Variants in RASGEF1B observed in about 807,000 individuals in gnomAD.
RASGEF1B encodes RasGEF domain family member 1B.
A neutral mutation model predicts 65.7 loss-of-function variants in RASGEF1B; 30 were observed. The observed-to-expected ratio is 0.46, with a 90% CI of 0.34 to 0.62. The LOEUF is 0.62. Ranked by LOEUF, RASGEF1B falls within the 20% of genes least tolerant of loss-of-function variation. The pLI is 0.01. For missense variants in RASGEF1B, 495 were observed against 580.1 expected, an observed-to-expected ratio of 0.85 and a Z score of 1.51; for synonymous variants, 175 against 194.8, an observed-to-expected ratio of 0.90 and a Z score of 0.85.
At chr4:81,432,505 C>G (rs762212714) in intron 12 of RASGEF1B, 134 bp from the exon 13 acceptor site, 13 of 557,588 alleles carry the variant, frequency 2.3e-5, no homozygotes, top group Non-Finnish European at 4.1e-5. Context: ...GACCAAGAAG[C>G]TTCACTGTTT....
intron 11 of RASGEF1B, among the ~76,000 whole-genome samples, 181 bp from the exon 12 acceptor site, chr4:81,434,144 G>T (rs1450442082): frequency 6.6e-5 from 10 of 151,874 alleles, no homozygotes; most frequent in African/African-American, 1.9e-4. Flanking sequence ...CAAACTCCTG[G>T]GCTCGAGCAA....
At position 81,432,294 on chromosome 4, in the gene RASGEF1B, C is replaced by A; in HGVS notation, c.1397+5G>T. 1.9e-6 allele frequency: 3 copies of A among 1,592,708 alleles called. No homozygotes were observed. The highest frequency in any genetic ancestry group is 1.7e-6 in the Non-Finnish European group (2 of 1,161,730). Reference sequence around the variant, plus strand: ...TTGTGCAGCAATGAGAAGAATGAGACCCACCTTAAAGACTTCCATCTGTCT... The same window carrying A: ...TTGTGCAGCAATGAGAAGAATGAGAACCACCTTAAAGACTTCCATCTGTCT... On this transcript the variant is annotated splice_donor_5th_base_variant and intron_variant, in intron 13 of 13. Transcript: ENST00000264400.
intron 2 of RASGEF1B, among the ~76,000 whole-genome samples, chr4:81,458,339 C>A (rs1167969156): frequency 6.6e-6 from 1 of 152,136 alleles, no homozygotes; most frequent in African/African-American, 2.4e-5. Flanking sequence ...TCCTTAGGCG[C>A]CTTTACTAGC....
chr4:81,467,750 G>A (rs1214560968), intron 1 of RASGEF1B, among the ~76,000 whole-genome samples: 5 of 152,170 alleles, frequency 3.3e-5, no homozygotes, highest in African/African-American at 9.6e-5. Flanking sequence ...AGGTGAAGAC[G>A]TACTGGCTAA....
At chr4:81,433,267 A>T (rs2109965962) in intron 12 of RASGEF1B, among the ~76,000 whole-genome samples, 1 of 151,996 alleles carries the variant, frequency 6.6e-6, no homozygotes, top group Non-Finnish European at 1.5e-5. Context: ...AATACTATCA[A>T]TCTACTATGA....
chr4:81,447,451 A>G (rs1265342774), intron 6 of RASGEF1B, 53 bp downstream of exon 6: 1 of 1,297,026 alleles, frequency 7.7e-7, no homozygotes, highest in Admixed American at 1.7e-5. Context: ...ACTATCATAG[A>G]CTGATAAATC....
chr4:81,451,881 T>C (rs1158147997), intron 4 of RASGEF1B: 1 of 152,224 alleles, frequency 6.6e-6, no homozygotes, highest in Non-Finnish European at 1.5e-5. Flanking sequence ...GAAAATACTT[T>C]AGTAAGAAAT....
chr4:81,435,166 C>T (rs570312513), intron 10 of RASGEF1B, among the ~76,000 whole-genome samples: 1 of 152,016 alleles, frequency 6.6e-6, no homozygotes, highest in Non-Finnish European at 1.5e-5. Flanking sequence ...AATCCCAGCA[C>T]TTTGGGAGGC....
At chr4:81,471,705 C>A (rs1326159492) in intron 1 of RASGEF1B, 65 bp downstream of exon 1, 2 of 152,618 alleles carry the variant, frequency 1.3e-5, no homozygotes, top group South Asian at 2.1e-4. Context: ...CAGTAGGGTC[C>A]GGAGTTCCCG....
intron 4 of RASGEF1B, among the ~76,000 whole-genome samples, chr4:81,449,427 A>C (rs2109983044): frequency 6.6e-6 from 1 of 152,370 alleles, no homozygotes. Context: ...AAATGACTTC[A>C]TAATCCATCA....
chr4:81,443,758 T>C (rs1721926951), intron 8 of RASGEF1B, among the ~76,000 whole-genome samples: 1 of 152,240 alleles, frequency 6.6e-6, no homozygotes, highest in Admixed American at 6.5e-5. Flanking sequence ...TCTGTGGACA[T>C]GTGTTGGCAT....
intron 4 of RASGEF1B, 27 bp from the exon 5 acceptor site, chr4:81,448,311 C>T (rs774394569): frequency 1.3e-5 from 20 of 1,580,014 alleles, no homozygotes; most frequent in South Asian, 8.9e-5. Context: ...GAATTACATC[C>T]GTACTCTGCG....
chr4:81,448,802 T>G (rs893254166), intron 4 of RASGEF1B, among the ~76,000 whole-genome samples: 7 of 152,026 alleles, frequency 4.6e-5, no homozygotes, highest in Non-Finnish European at 8.8e-5. Flanking sequence ...TCGAACCACC[T>G]TCTTTTGTTT....
chr4:81,434,074 G>A, intron 11 of RASGEF1B, 111 bp from the exon 12 acceptor site: 2 of 950,288 alleles, frequency 2.1e-6, no homozygotes, highest in South Asian at 1.5e-5. Flanking sequence ...TAAGGAGACA[G>A]GGTTTCACTC....
chr4:81,466,770 A>AGAAAGAAAGAAAGAAAGAAGGAAAG lies in RASGEF1B; in HGVS notation c.-7+4999_-7+5000insCTTTCCTTCTTTCTTTCTTTCTTTC. On this transcript the variant is annotated intron_variant, in intron 1 of 13. Coordinates refer to ENST00000264400, the MANE Select transcript of RASGEF1B (RefSeq NM_152545.3). ...CAAGCCTCCATGTCAAAAAAAAAAA[A>AGAAAGAAAGAAAGAAAGAAGGAAAG]AAAGAAAGAAAGAAAGAAAGAAAGA... Among the ~76,000 whole-genome samples the AGAAAGAAAGAAAGAAAGAAGGAAAG allele has an allele frequency of 5.5e-5, 2 of 36,096 alleles. 1 individual carries two copies. Among genetic ancestry groups the AGAAAGAAAGAAAGAAAGAAGGAAAG allele is most frequent in the African/African-American group, 1.9e-4 (2 of 10,534 alleles). The allele number at this position is 36,096 out of a possible 152,430, so 23.7% of individuals were successfully genotyped here. A position where few individuals can be genotyped will look rare whatever the true frequency, so the allele number is the denominator to read the frequency against.
chr4:81,440,337 C>G (rs946876754), intron 10 of RASGEF1B, among the ~76,000 whole-genome samples: 2 of 152,022 alleles, frequency 1.3e-5, no homozygotes, highest in African/African-American at 4.8e-5. Flanking sequence ...CAGACATGAC[C>G]CCTGTACTTT....
In RASGEF1B at chr4:81,471,905, AC is replaced by A. The variant is rs1723046846; in HGVS notation, c.-143del. The stretch of plus-strand genomic sequence containing the variant: ...CTAACCAGTCGGGTTCCTTGTTTAT[AC>A]TGAAACTACGGCAGCCGCCGCCGCG... On this transcript the variant is annotated 5_prime_UTR_variant, in exon 1 of 14. Coordinates refer to ENST00000264400, the MANE Select transcript of RASGEF1B (RefSeq NM_152545.3). 6.5e-6 allele frequency: 1 copy of A among 152,694 alleles called. No homozygotes were observed. Among genetic ancestry groups the A allele is most frequent in the African/African-American group, 2.4e-5 (1 of 41,444 alleles). The allele number at this position is 152,694 out of a possible 1,614,324, so 9.5% of individuals were successfully genotyped here.
intron 1 of RASGEF1B, among the ~76,000 whole-genome samples, chr4:81,466,399 G>C (rs1722804114): frequency 6.6e-6 from 1 of 152,134 alleles, no homozygotes; most frequent in African/African-American, 2.4e-5. Flanking sequence ...CTATGGATTT[G>C]AGCCAGGGTG....
chr4:81,443,913 C>T (rs975240238), intron 8 of RASGEF1B, among the ~76,000 whole-genome samples: 1 of 152,342 alleles, frequency 6.6e-6, no homozygotes, highest in East Asian at 1.9e-4. Context: ...AAGAGCCCCA[C>T]TTGTTCCACA....
Sources: allele counts gnomAD v4.1 joint callset (sites outside exome capture counted in the v4.1 genomes callset), GRCh38; gene constraint gnomAD v4.1.1; transcripts MANE v1.5; gene names NCBI Gene and HGNC (gene_info 2026-07-23, HGNC 2026-07-21).